STT3B: variants seen among roughly 807,000 people sequenced by gnomAD.
STT3B encodes dolichyl-diphosphooligosaccharide--protein glycosyltransferase subunit STT3B.
STT3B carries 29 observed loss-of-function variants against 96.8 expected under a neutral mutation model. That is an observed-to-expected ratio of 0.30 (90% CI 0.22 to 0.41). The LOEUF is 0.41. Among genes scored for constraint, STT3B ranks in the 10% least tolerant of loss-of-function variants. The pLI is 1.00. For missense variants in STT3B, 640 were observed against 1,022.3 expected (o/e 0.63, Z 5.10); for synonymous variants, 367 against 360.0 (o/e 1.02, Z -0.22).
At chr3:31,568,430 T>G (rs770452005) in intron 1 of STT3B, among the ~76,000 whole-genome samples, 13 of 152,204 alleles carry the variant, frequency 8.5e-5, no homozygotes, top group Non-Finnish European at 1.0e-4. Flanking sequence ...TTGAGGAACC[T>G]CCATACTGTT....
At chr3:31,544,436 A>G (rs530310395) in intron 1 of STT3B, among the ~76,000 whole-genome samples, 1 of 152,258 alleles carries the variant, frequency 6.6e-6, no homozygotes, top group Admixed American at 6.5e-5. Context: ...TAAAGTCTTT[A>G]TTTTCTTTTA....
chr3:31,561,796 T>C (rs1330653845), intron 1 of STT3B, among the ~76,000 whole-genome samples: 1 of 152,232 alleles, frequency 6.6e-6, no homozygotes, highest in African/African-American at 2.4e-5. Flanking sequence ...GAGAGAATTT[T>C]TTCCTGAAGA....
At chr3:31,555,918 T>C (rs973835180) in intron 1 of STT3B, among the ~76,000 whole-genome samples, 4 of 152,178 alleles carry the variant, frequency 2.6e-5, no homozygotes, top group Admixed American at 2.6e-4. Context: ...GTTCTCTCTT[T>C]TAGCTACTTT....
chr3:31,633,615 TA>T (rs147873757), intron 15 of STT3B, among the ~76,000 whole-genome samples: 36,018 of 151,962 alleles, frequency 0.24, 4,560 homozygotes, highest in African/African-American at 0.33. Context: ...TTAAGATAAT[TA>T]TTTTTTAATG....
Position 31,635,961 on chromosome 3 carries a change from C to G in STT3B, c.2401-23C>G, listed in dbSNP as rs1699747478. 5 of 1,563,452 alleles carry G rather than the reference C, an allele frequency of 3.2e-6. No homozygotes were observed. The East Asian group carries it at 6.8e-5, about 21-fold the overall frequency. On this transcript the variant is annotated intron_variant, in intron 15 of 15. Coordinates refer to ENST00000295770, the MANE Select transcript of STT3B (RefSeq NM_178862.3). The stretch of plus-strand genomic sequence containing the variant: ...AATCAGTAAGAAACCTGCATTAATA[C>G]TATGTGTTTTGTTTTTTTATAGACT...
At chr3:31,604,369 A>G (rs920884014) in intron 5 of STT3B, among the ~76,000 whole-genome samples, 13 of 152,168 alleles carry the variant, frequency 8.5e-5, no homozygotes, top group African/African-American at 2.9e-4. Context: ...TGGCAGCTGT[A>G]AACAGAACAC....
At chr3:31,576,274 T>C (rs553723478) in intron 1 of STT3B, 122 bp from the exon 2 acceptor site, 91 of 529,174 alleles carry the variant, frequency 1.7e-4, no homozygotes, top group Admixed American at 3.4e-4. Flanking sequence ...TCAGATTATG[T>C]TATATAAGTT....
intron 14 of STT3B, among the ~76,000 whole-genome samples, chr3:31,630,186 G>A (rs1017923167): frequency 3.9e-5 from 6 of 152,144 alleles, no homozygotes; most frequent in African/African-American, 1.4e-4. Flanking sequence ...CAATTTAGAA[G>A]CAGCAAACAG....
intron 1 of STT3B, among the ~76,000 whole-genome samples, chr3:31,574,795 A>G (rs1433104636): frequency 2.0e-5 from 3 of 152,050 alleles, no homozygotes; most frequent in Non-Finnish European, 4.4e-5. Flanking sequence ...TTTGTAGAAA[A>G]CCTTTCTCTC....
At position 31,615,214 on chromosome 3, in the gene STT3B, T is replaced by C; in HGVS notation, c.976+11T>C. The C allele has an allele frequency of 6.3e-7, 1 of 1,582,228 alleles. No individual in the cohort carries two copies. Among genetic ancestry groups the C allele is most frequent in the Non-Finnish European group, 8.6e-7 (1 of 1,156,234 alleles). On this transcript the variant is annotated intron_variant, in intron 6 of 15. Transcript: ENST00000295770. ...ACATGGCAGCTGCAGGTATGAAAAA[T>C]ATATATTTTCCTTCTTCTAAAGAAT...
In STT3B at chr3:31,600,554, A is replaced by G. The variant is rs1698907011; in HGVS notation, c.877+95A>G. The G allele has an allele frequency of 7.7e-6, 4 of 521,048 alleles. No homozygotes were observed. The South Asian group carries it at 1.2e-4, about 15-fold the overall frequency. 32.3% of individuals were successfully genotyped at this position (521,048 alleles called of 1,614,324 possible). On this transcript the variant is annotated intron_variant, in intron 5 of 15. Coordinates refer to ENST00000295770, the MANE Select transcript of STT3B (RefSeq NM_178862.3). The stretch of plus-strand genomic sequence containing the variant: ...TATTTCTATTTGGTCAATATTATGC[A>G]TGAAAAGGTAAAAATAATTTTGTGT...
At chr3:31,600,095 C>T (rs1698896937) in intron 4 of STT3B, among the ~76,000 whole-genome samples, 1 of 152,164 alleles carries the variant, frequency 6.6e-6, no homozygotes, top group African/African-American at 2.4e-5. Context: ...ATAATACTCT[C>T]AGCTTTTCTA....
chr3:31,584,768 T>G (rs1698498693), intron 3 of STT3B, among the ~76,000 whole-genome samples: 1 of 152,156 alleles, frequency 6.6e-6, no homozygotes. Flanking sequence ...TTAGAACACT[T>G]GTGTTTGAGT....
In STT3B at chr3:31,532,947, AC is replaced by A; in HGVS notation, c.-50del. 4 of 1,545,152 alleles carry A rather than the reference AC, an allele frequency of 2.6e-6. No homozygotes were observed. Among genetic ancestry groups the A allele is most frequent in the Non-Finnish European group, 3.5e-6 (4 of 1,149,092 alleles). ...CGGGTCCCCGCCCAGCACCCCTCGC[AC>A]CAGGCGGCGGCGGCGGAGGAGGAGA... On this transcript the variant is annotated 5_prime_UTR_variant, in exon 1 of 16. Coordinates refer to ENST00000295770, the MANE Select transcript of STT3B (RefSeq NM_178862.3).
chr3:31,596,306 A>G (rs1429386466), intron 3 of STT3B, among the ~76,000 whole-genome samples: 1 of 152,144 alleles, frequency 6.6e-6, no homozygotes, highest in Non-Finnish European at 1.5e-5. Flanking sequence ...TCTATATGGT[A>G]TCCTGAGGCT....
intron 1 of STT3B, among the ~76,000 whole-genome samples, chr3:31,534,675 G>A (rs1012605020): frequency 2.6e-5 from 4 of 152,088 alleles, no homozygotes; most frequent in African/African-American, 9.7e-5. Context: ...AGAAAAATTG[G>A]TACTGCAACA....
intron 1 of STT3B, among the ~76,000 whole-genome samples, chr3:31,541,777 C>T (rs546492154): frequency 6.6e-5 from 10 of 152,016 alleles, no homozygotes; most frequent in African/African-American, 2.2e-4. Context: ...GAGGTTTCAC[C>T]GTGTTAGCCA....
At chr3:31,582,845 C>T (rs1371073744) in intron 3 of STT3B, among the ~76,000 whole-genome samples, 1 of 151,924 alleles carries the variant, frequency 6.6e-6, no homozygotes, top group Admixed American at 6.6e-5. Flanking sequence ...TCCCAGTTTT[C>T]CTTCTGTTAT....
intron 1 of STT3B, among the ~76,000 whole-genome samples, chr3:31,538,193 A>G (rs1014902122): frequency 5.9e-5 from 9 of 152,200 alleles, no homozygotes; most frequent in African/African-American, 2.2e-4. Context: ...CTACTTTTAA[A>G]TCCTGCTTGT....
Sources: gnomAD v4.1 joint callset for allele counts (sites outside exome capture counted in the v4.1 genomes callset) on GRCh38, gnomAD v4.1.1 for gene constraint, MANE v1.5 for transcripts, NCBI Gene and HGNC (gene_info 2026-07-23, HGNC 2026-07-21) for gene names.